The following KLHL1 variants were observed in gnomAD, a reference collection of about 807,000 sequenced individuals.
KLHL1 encodes the protein kelch like family member 1.
In KLHL1, 47 loss-of-function variants were observed where a neutral mutation model predicts 77.7. That is an observed-to-expected ratio of 0.60 (90% CI 0.48 to 0.77). The LOEUF is 0.77. KLHL1 is among the 30% of genes least tolerant of loss of function. The pLI is 0.00. For missense variants in KLHL1, 925 were observed against 910.8 expected (o/e 1.02, Z -0.20); for synonymous variants, 360 against 325.2 (o/e 1.11, Z -1.15).
At chr13:69,850,478 A>G (rs922895586) in intron 5 of KLHL1, among the ~76,000 whole-genome samples, 4 of 151,468 alleles carry the variant, frequency 2.6e-5, no homozygotes, top group East Asian at 3.9e-4. Context: ...AATATTGTCT[A>G]GGACCCTTCC....
At chr13:70,097,641 CT>C (rs1168272383) in intron 1 of KLHL1, among the ~76,000 whole-genome samples, 1 of 151,766 alleles carries the variant, frequency 6.6e-6, no homozygotes, top group Non-Finnish European at 1.5e-5. Context: ...CATAAATTTT[CT>C]TTTTTAGTTC....
At chr13:69,723,402 A>G (rs2137901128) in intron 8 of KLHL1, among the ~76,000 whole-genome samples, 1 of 152,326 alleles carries the variant, frequency 6.6e-6, no homozygotes, top group East Asian at 1.9e-4. Context: ...ATTAGACAAT[A>G]TATACAAGTA....
intron 3 of KLHL1, among the ~76,000 whole-genome samples, chr13:69,942,180 A>G (rs1883385044): frequency 6.6e-6 from 1 of 152,022 alleles, no homozygotes; most frequent in African/African-American, 2.4e-5. Flanking sequence ...TCATTTATAT[A>G]TATACATATT....
chr13:69,763,447 C>T (rs2137968702), intron 7 of KLHL1, among the ~76,000 whole-genome samples: 1 of 152,154 alleles, frequency 6.6e-6, no homozygotes, highest in Middle Eastern at 3.4e-3. Context: ...TAGTAGTGTC[C>T]CTGGTGCACT....
intron 6 of KLHL1, among the ~76,000 whole-genome samples, chr13:69,836,918 T>A (rs74090485): frequency 0.019 from 2,823 of 152,024 alleles, 83 homozygotes; most frequent in African/African-American, 0.064. Flanking sequence ...ATATATGTGA[T>A]TAAATACATA....
chr13:69,775,141 C>T (rs1875763013), intron 7 of KLHL1, among the ~76,000 whole-genome samples: 1 of 152,072 alleles, frequency 6.6e-6, no homozygotes, highest in Non-Finnish European at 1.5e-5. Context: ...AGATAAGACA[C>T]TACTACAGGC....
At chr13:69,908,629 T>C (rs1882123332) in intron 4 of KLHL1, among the ~76,000 whole-genome samples, 1 of 151,580 alleles carries the variant, frequency 6.6e-6, no homozygotes, top group African/African-American at 2.4e-5. Flanking sequence ...TTATTGCATA[T>C]GTTTTCAAAT....
chr13:69,987,428 A>G (rs1319167690), intron 1 of KLHL1, among the ~76,000 whole-genome samples: 1 of 152,106 alleles, frequency 6.6e-6, no homozygotes, highest in Admixed American at 6.6e-5. Context: ...TCCTTTATTT[A>G]TATTTTCAGC....
At chr13:69,724,721 C>T (rs1476064665) in intron 8 of KLHL1, among the ~76,000 whole-genome samples, 2 of 152,070 alleles carry the variant, frequency 1.3e-5, no homozygotes, top group Non-Finnish European at 2.9e-5. Flanking sequence ...ACATACACCA[C>T]ATGAATAAAG....
intron 1 of KLHL1, among the ~76,000 whole-genome samples, chr13:70,025,278 A>G (rs1195701744): frequency 6.6e-6 from 1 of 152,066 alleles, no homozygotes; most frequent in Non-Finnish European, 1.5e-5. Context: ...AAGAGGATCA[A>G]GGTGTCTACT....
intron 9 of KLHL1, among the ~76,000 whole-genome samples, chr13:69,711,910 T>C (rs1431110621): frequency 6.6e-6 from 1 of 152,128 alleles, no homozygotes; most frequent in East Asian, 1.9e-4. Flanking sequence ...TTTTAGACTT[T>C]CTGGTGGGTA....
At chr13:70,087,837 T>C (rs916514211) in intron 1 of KLHL1, among the ~76,000 whole-genome samples, 1 of 152,246 alleles carries the variant, frequency 6.6e-6, no homozygotes, top group African/African-American at 2.4e-5. Flanking sequence ...TCTCTGAACC[T>C]CCACCTTCTA....
intron 4 of KLHL1, among the ~76,000 whole-genome samples, chr13:69,909,874 T>A (rs1385699854): frequency 6.6e-6 from 1 of 152,130 alleles, no homozygotes; most frequent in Admixed American, 6.6e-5. Flanking sequence ...ATTTTGTTTT[T>A]CCCCAGGCCT....
chr13:70,094,608 T>C (rs1282793481), intron 1 of KLHL1, among the ~76,000 whole-genome samples: 2 of 152,090 alleles, frequency 1.3e-5, no homozygotes, highest in Admixed American at 6.6e-5. Context: ...AACCACCACA[T>C]TGCATACCTC....
intron 1 of KLHL1, among the ~76,000 whole-genome samples, chr13:70,075,588 T>TATATATATATAC (rs1221350719): frequency 1.7e-4 from 21 of 122,008 alleles, no homozygotes; most frequent in African/African-American, 2.5e-4. Context: ...TATATATATA[T>TATATATATATAC]ACACACACAC....
chr13:69,955,368 T>C (rs1269713852), intron 3 of KLHL1, among the ~76,000 whole-genome samples: 1 of 151,394 alleles, frequency 6.6e-6, no homozygotes, highest in Non-Finnish European at 1.5e-5. Context: ...TTAACTTCAG[T>C]GGCACACAAA....
intron 1 of KLHL1, among the ~76,000 whole-genome samples, chr13:70,093,514 AT>A (rs1165585664): frequency 1.3e-5 from 2 of 152,202 alleles, no homozygotes; most frequent in African/African-American, 4.8e-5. Context: ...TAAAGAAAAA[AT>A]ATCATATTCT....
chr13:69,741,758 A>G (rs1335298153), intron 7 of KLHL1, among the ~76,000 whole-genome samples: 1 of 152,192 alleles, frequency 6.6e-6, no homozygotes, highest in Non-Finnish European at 1.5e-5. Context: ...AATCTTCGAT[A>G]AAACCTCTTG....
chr13:69,887,908 T>C (rs1881277928), intron 4 of KLHL1, among the ~76,000 whole-genome samples: 1 of 152,204 alleles, frequency 6.6e-6, no homozygotes, highest in Non-Finnish European at 1.5e-5. Flanking sequence ...TTCCAAAGCC[T>C]CTTCCACATT....
Sources: gnomAD v4.1 joint callset for allele counts (sites outside exome capture counted in the v4.1 genomes callset) on GRCh38, gnomAD v4.1.1 for gene constraint, MANE v1.5 for transcripts, NCBI Gene and HGNC (gene_info 2026-07-23, HGNC 2026-07-21) for gene names.